Variants in OVCH1 observed in about 807,000 individuals in gnomAD.
The protein encoded by OVCH1 is ovochymase 1, also known as ovochymase-1.
In OVCH1, 139 loss-of-function variants were observed where a neutral mutation model predicts 138.4. The observed-to-expected ratio is 1.00, with a 90% CI of 0.87 to 1.16. The LOEUF (loss-of-function observed/expected upper bound fraction) is 1.16. Among genes scored for constraint, OVCH1 ranks in the 50% most tolerant of loss-of-function variants. The pLI, the probability that OVCH1 is intolerant of heterozygous loss-of-function variation, is 0.00. For synonymous variants in OVCH1, 453 were observed against 467.8 expected, an observed-to-expected ratio of 0.97 and a Z score of 0.41; for missense variants, 1,367 against 1,357.9, an observed-to-expected ratio of 1.01 and a Z score of -0.11.
intron 25 of OVCH1, chr12:29,440,643 A>T (rs76746164): frequency 2.2e-6 from 1 of 447,672 alleles, no homozygotes; most frequent in African/African-American, 2.0e-5. Flanking sequence ...AGAAGTATAC[A>T]TCATTTTCAT....
chr12:29,453,181 T>C (rs190892970), intron 21 of OVCH1, among the ~76,000 whole-genome samples: 137 of 152,296 alleles, frequency 9.0e-4, no homozygotes, highest in Non-Finnish European at 1.1e-3. Context: ...TTATAGGATC[T>C]TGGACCCAAG....
chr12:29,473,054 T>C (rs1363656424), exon 15 of OVCH1: 10 of 1,611,282 alleles, frequency 6.2e-6, no homozygotes, highest in Non-Finnish European at 7.6e-6. Flanking sequence ...TTACGGTAGA[T>C]ACAGGATTGT....
At chr12:29,486,180 T>A (rs1943099310) in intron 8 of OVCH1, 70 bp downstream of exon 8, 1 of 1,374,350 alleles carries the variant, frequency 7.3e-7, no homozygotes, top group East Asian at 2.3e-5. Context: ...TATGGTACAA[T>A]CCTCCTGTTT....
exon 16 of OVCH1, chr12:29,471,841 TTGA>T: frequency 3.1e-6 from 5 of 1,612,802 alleles, no homozygotes; most frequent in Non-Finnish European, 4.2e-6. Flanking sequence ...CCACACTGGG[TTGA>T]TGATGGCACC....
chr12:29,446,264 A>G (rs1941613139), intron 22 of OVCH1, among the ~76,000 whole-genome samples: 1 of 152,104 alleles, frequency 6.6e-6, no homozygotes, highest in Non-Finnish European at 1.5e-5. Flanking sequence ...TGTAGGGATG[A>G]AAGGAAGGAG....
chr12:29,449,714 T>C (rs968962292), intron 22 of OVCH1, among the ~76,000 whole-genome samples: 8 of 152,178 alleles, frequency 5.3e-5, no homozygotes, highest in African/African-American at 1.9e-4. Context: ...AAGACAATCC[T>C]AAGCAAAAGG....
Position 29,476,318 on chromosome 12 carries a change from A to G in OVCH1, c.1378-19T>C. 6.3e-7 allele frequency: 1 copy of G among 1,577,270 alleles called. No individual in the cohort carries two copies. Among genetic ancestry groups the G allele is most frequent in the Non-Finnish European group, 8.7e-7 (1 of 1,146,750 alleles). ...ATGTCAACTGTGCAAATGGAAACATAACCAGGGAAATGGTCAAAGAAGAGA... is the reference window on the plus strand; with the variant it reads ...ATGTCAACTGTGCAAATGGAAACATGACCAGGGAAATGGTCAAAGAAGAGA... On this transcript the variant is annotated intron_variant, in intron 12 of 27. Transcript: ENST00000318184.
At chr12:29,461,915 C>T in exon 19 of OVCH1, 1 of 1,613,826 alleles carries the variant, frequency 6.2e-7, no homozygotes, top group Non-Finnish European at 8.5e-7. Context: ...CTCTGTGATC[C>T]CTCCTGGATG....
At chr12:29,421,135 G>C (rs966587683) in intron 3 of OVCH1, among the ~76,000 whole-genome samples, 4 of 152,200 alleles carry the variant, frequency 2.6e-5, no homozygotes, top group African/African-American at 9.6e-5. Context: ...TAACTAGCCA[G>C]GGCCATGACA....
At chr12:29,473,362 C>G (rs116525637) in intron 14 of OVCH1, among the ~76,000 whole-genome samples, 97 of 152,198 alleles carry the variant, frequency 6.4e-4, no homozygotes, top group African/African-American at 2.3e-3. Context: ...ACATTGATGG[C>G]TGTTTTCAAT....
Position 29,476,191 on chromosome 12 carries a change from G to T in OVCH1, c.1471+15C>A, listed in dbSNP as rs747044256. ...CGTCTAACACTTTCATATTTAAAGGGTGAAGTCTACCTACCTAACTTGTGC... is the reference window on the plus strand; with the variant it reads ...CGTCTAACACTTTCATATTTAAAGGTTGAAGTCTACCTACCTAACTTGTGC... On this transcript the variant is annotated intron_variant, in intron 13 of 27. Transcript: ENST00000318184. The T allele has an allele frequency of 1.3e-6, 2 of 1,593,092 alleles. No individual in the cohort carries two copies. Among genetic ancestry groups the T allele is most frequent in the African/African-American group, 1.3e-5 (1 of 74,586 alleles).
At chr12:29,469,557 G>A (rs1165074770) in intron 16 of OVCH1, among the ~76,000 whole-genome samples, 1 of 152,062 alleles carries the variant, frequency 6.6e-6, no homozygotes, top group Non-Finnish European at 1.5e-5. Context: ...AGGCTGGCCT[G>A]CTGGGAGCAA....
At chr12:29,477,173 A>G (rs762240035) in exon 12 of OVCH1, 1 of 1,613,730 alleles carries the variant, frequency 6.2e-7, no homozygotes, top group Non-Finnish European at 8.5e-7. Flanking sequence ...AAATCAGGAT[A>G]CTTGGCAGAG....
chr12:29,477,395 C>T (rs199748254), exon 11 of OVCH1: 609 of 1,613,992 alleles, frequency 3.8e-4, no homozygotes, highest in Non-Finnish European at 4.9e-4. Flanking sequence ...CTGCCACTGT[C>T]TTCTGTATCA....
chr12:29,407,021 C>G, the OVCH1 span, among the ~76,000 whole-genome samples: 2 of 151,890 alleles, frequency 1.3e-5, no homozygotes, highest in Non-Finnish European at 2.9e-5. Context: ...GATGGTATCT[C>G]GTTGTGGTTT....
intron 3 of OVCH1, among the ~76,000 whole-genome samples, chr12:29,414,486 A>C (rs1941006381): frequency 1.3e-5 from 2 of 152,228 alleles, no homozygotes; most frequent in African/African-American, 4.8e-5. Context: ...CATTCCAGAA[A>C]ATAAATCTGT....
In OVCH1 at chr12:29,464,396, A is replaced by G. The variant is rs188269505; in HGVS notation, c.2125+111T>C. On this transcript the variant is annotated intron_variant, in intron 18 of 27. Coordinates refer to ENST00000318184, the Ensembl canonical transcript of OVCH1. ...TACAGCTAAATAAAACATGGTTTCT[A>G]TCTTTTAGAAAGAAGAGGGGCTGAA... 926 of 1,187,166 alleles carry G rather than the reference A, an allele frequency of 7.8e-4. 13 individuals carry two copies. In the Admixed American group the frequency reaches 0.015, roughly 20 times the overall value. The allele number at this position is 1,187,166 out of a possible 1,614,324, so 73.5% of individuals were successfully genotyped here.
rs1012774549 is a variant in OVCH1 at position 29,433,663 on chromosome 12, TACA to T, written c.3327+85_3327+87del. ...CTTTGAATAGTGCCTGGCATATTCC[TACA>T]ACAATTTGTTGGTGGTCTGAATAAT... On this transcript the variant is annotated intron_variant, in intron 27 of 27. Coordinates refer to ENST00000318184, the Ensembl canonical transcript of OVCH1. 4.6e-6 allele frequency: 6 copies of T among 1,317,992 alleles called. No homozygotes were observed. The African/African-American group carries it at 4.6e-5, about 10-fold the overall frequency. The allele number at this position is 1,317,992 out of a possible 1,614,324, so 81.6% of individuals were successfully genotyped here.
At chr12:29,404,099 C>A in the OVCH1 span, among the ~76,000 whole-genome samples, 2 of 152,334 alleles carry the variant, frequency 1.3e-5, no homozygotes, top group South Asian at 4.1e-4. Context: ...AAAAGACATT[C>A]ATTTTTCAGG....
Sources: allele counts gnomAD v4.1 joint callset (sites outside exome capture counted in the v4.1 genomes callset), GRCh38; gene constraint gnomAD v4.1.1; transcripts MANE v1.5; gene names NCBI Gene and HGNC (gene_info 2026-07-23, HGNC 2026-07-21).